The following TNC variants were observed in gnomAD, a reference collection of about 807,000 sequenced individuals.
TNC encodes tenascin.
Under a neutral mutation model 202.4 loss-of-function variants are expected in TNC, and 109 were observed. The observed-to-expected ratio is 0.54, with a 90% CI of 0.46 to 0.63. TNC has a LOEUF of 0.63. Ranked by LOEUF, TNC falls within the 30% of genes least tolerant of loss-of-function variation. TNC has a pLI of 0.00. For missense variants in TNC, 2,756 were observed against 2,833.3 expected (o/e 0.97, Z 0.62); for synonymous variants, 1,007 against 1,089.7 (o/e 0.92, Z 1.50).
At chr9:115,111,671 A>T (rs1029495850) in intron 1 of TNC, among the ~76,000 whole-genome samples, 1 of 151,944 alleles carries the variant, frequency 6.6e-6, no homozygotes, top group African/African-American at 2.4e-5. Flanking sequence ...TCGGGCTCCC[A>T]AAGTGCTGGG....
Position 115,062,907 on chromosome 9 carries a change from G to T in TNC, c.4033+10C>A. ...TATCATGTCTCCAGTCTGGGAGGAG[G>T]GTCATATACCTGTGACGACCTCTAC... On this transcript the variant is annotated intron_variant, in intron 13 of 27. Coordinates refer to ENST00000350763, the MANE Select transcript of TNC (RefSeq NM_002160.4). 6.2e-7 allele frequency: 1 copy of T among 1,605,092 alleles called. No individual in the cohort carries two copies. The highest frequency in any genetic ancestry group is 1.1e-5 in the South Asian group (1 of 90,858).
In TNC at chr9:115,090,743, C is replaced by T. The variant is rs944510; in HGVS notation, c.276G>A (p.Val92=). The T allele has an allele frequency of 0.44, 710,968 of 1,613,890 alleles. 158,736 individuals are homozygous for T. Among genetic ancestry groups the T allele is most frequent in the African/African-American group, 0.58 (43,172 of 74,966 alleles). The change falls in exon 2 of 28, where the codon GTG becomes GTA. Residue 92 remains valine (V), a synonymous_variant. Coordinates refer to ENST00000350763, the MANE Select transcript of TNC (RefSeq NM_002160.4). ...TGAAGACAATCTGGTTTTCCCCATC[C>T]ACTGTGTGCTCCTGAAAGCTTTCGC... ...EPSESFQEHT[V]DGENQIVFTH...
In TNC at chr9:115,058,650, G is replaced by A. The variant is rs140918203; in HGVS notation, c.4306+1080C>T. Among the ~76,000 whole-genome samples, 20 of 152,328 alleles carry A rather than the reference G, an allele frequency of 1.3e-4. 1 individual carries two copies. Among genetic ancestry groups the A allele is most frequent in the African/African-American group, 4.6e-4 (19 of 41,586 alleles). On this transcript the variant is annotated intron_variant, in intron 14 of 27. Transcript: ENST00000350763. ...TTATCTCAGTGAAAATTAGTGAAAT[G>A]ACTGAGGTTAAAATGCAGAGCTATG... is the stretch of plus-strand genomic sequence containing the variant.
rs1829958480 is a variant in TNC, at chr9:115,031,673, C to T, written c.5800G>A (p.Gly1934Ser). 1 of 1,609,422 alleles carries T rather than the reference C, an allele frequency of 6.2e-7. No individual in the cohort carries two copies. ...VDGTVKEVIV[G>S]PDTTSYSLAD... ...AGGCTGTAGGAGGTGGTATCTGGAC[C>T]CACAATGACTTCCTAAGAGCAGAAG... Residue 1934 changes from glycine (G) to serine (S), a missense_variant, in exon 23 of 28, where the codon GGT becomes AGT. Around this residue, in one of 2 missense-constraint regions of TNC, gnomAD observed 2,559 missense variants for 2,546.0 expected, o/e 1.01. Coordinates refer to ENST00000350763, the MANE Select transcript of TNC (RefSeq NM_002160.4).
rs543432618 is a variant in TNC, at chr9:115,034,141, G to A, written c.5787+1063C>T. ...GAGGTTTACTCTCTGGAAAGGTTGAGCCAGAGAGGAAGTCCGGATTCAAAT... is the reference window on the plus strand; with the variant it reads ...GAGGTTTACTCTCTGGAAAGGTTGAACCAGAGAGGAAGTCCGGATTCAAAT... On this transcript the variant is annotated intron_variant, in intron 22 of 27. Transcript: ENST00000350763. Among the ~76,000 whole-genome samples the A allele has an allele frequency of 1.5e-3, 227 of 152,322 alleles. 1 individual carries two copies. The highest frequency in any genetic ancestry group is 2.1e-4 in the Non-Finnish European group (14 of 68,038).
At chr9:115,038,493 C>A in intron 19 of TNC, 113 bp from the exon 20 acceptor site, 1 of 1,385,558 alleles carries the variant, frequency 7.2e-7, no homozygotes, top group Non-Finnish European at 9.7e-7. Context: ...GTGTCAGCTG[C>A]ATGGAATGGT....
Position 115,084,462 on chromosome 9 carries a change from G to C in TNC, c.1878C>G (p.Pro626=). ...SGEDCSEVSP[P]KDLVVTEVTE... ...TCACTTCTGTCACAACGAGGTCTTT[G>C]GGAGGAGACACTGGCAGGAATAAGA... The change falls in exon 4 of 28, where the codon CCC becomes CCG. Residue 626 remains proline (P), a synonymous_variant. Coordinates refer to ENST00000350763, the MANE Select transcript of TNC (RefSeq NM_002160.4). 6.2e-7 allele frequency: 1 copy of C among 1,614,004 alleles called. No homozygotes were observed. The highest frequency in any genetic ancestry group is 8.5e-7 in the Non-Finnish European group (1 of 1,179,918).
intron 1 of TNC, among the ~76,000 whole-genome samples, chr9:115,106,380 C>T (rs1836613939): frequency 6.6e-6 from 1 of 152,100 alleles, no homozygotes; most frequent in African/African-American, 2.4e-5. Flanking sequence ...AAGTAAGATT[C>T]ATTGTTCAAG....
intron 1 of TNC, among the ~76,000 whole-genome samples, chr9:115,095,852 G>A (rs1043198859): frequency 2.0e-5 from 3 of 151,272 alleles, no homozygotes; most frequent in African/African-American, 4.9e-5. Context: ...GTAAGTGTGT[G>A]TATATCTTTG....
At chr9:115,090,336 A>G (rs1179638366) in intron 2 of TNC, among the ~76,000 whole-genome samples, 2 of 152,220 alleles carry the variant, frequency 1.3e-5, no homozygotes, top group African/African-American at 4.8e-5. Flanking sequence ...ACTTATCAGA[A>G]GCCTGAAAAT....
rs767632564 is a variant in TNC at position 115,040,978 on chromosome 9, A to C, written c.5355T>G (p.Phe1785Leu). Residue 1785 changes from phenylalanine (F) to leucine (L), a missense_variant, in exon 19 of 28, where the codon TTT (phenylalanine) becomes TTG (leucine). By Grantham distance (22) the Phe-to-Leu change is conservative. Transcript: ENST00000350763. ...YLVSIIAMKG[F>L]EESEPVSGSF... is the part of the protein sequence containing the mutation. ...ACCCTGAGACAGGTTCACTTTCCTC[A>C]AAGCCCTTCATGGCGATGATGCTGA... 1.2e-6 allele frequency: 2 copies of C among 1,614,076 alleles called. No homozygotes were observed. The highest frequency in any genetic ancestry group is 1.7e-6 in the Non-Finnish European group (2 of 1,180,010).
At chr9:115,093,684 A>C (rs1212419317) in intron 1 of TNC, among the ~76,000 whole-genome samples, 1 of 150,484 alleles carries the variant, frequency 6.6e-6, no homozygotes, top group Non-Finnish European at 1.5e-5. Flanking sequence ...ACTTCTCCCC[A>C]ACACTTTTCT....
intron 22 of TNC, among the ~76,000 whole-genome samples, chr9:115,032,052 T>C (rs1419874629): frequency 6.6e-6 from 1 of 152,226 alleles, no homozygotes; most frequent in Admixed American, 6.5e-5. Context: ...GTTAATTTTA[T>C]GTGTTAAATT....
At chr9:115,077,211 C>T (rs961712754) in intron 7 of TNC, among the ~76,000 whole-genome samples, 12 of 152,304 alleles carry the variant, frequency 7.9e-5, no homozygotes, top group Admixed American at 2.6e-4. Flanking sequence ...CCCGCCACCA[C>T]GCCTGGCTAA....
intron 18 of TNC, 130 bp from the exon 19 acceptor site, chr9:115,041,214 C>T: frequency 1.9e-6 from 2 of 1,066,254 alleles, no homozygotes; most frequent in East Asian, 2.9e-5. Context: ...TTCTTGACTT[C>T]TCATTTGCTC....
rs998989817 is a variant in TNC, at chr9:115,048,383, G to A, written c.4729C>T (p.Leu1577Phe). 2 of 1,614,100 alleles carry A rather than the reference G, an allele frequency of 1.2e-6. No homozygotes were observed. The highest frequency in any genetic ancestry group is 2.7e-5 in the African/African-American group (2 of 75,036). Residue 1577 changes from leucine (L) to phenylalanine (F), a missense_variant, in exon 16 of 28, where the codon CTT becomes TTT. Around this residue, in one of 2 missense-constraint regions of TNC, gnomAD observed 2,559 missense variants for 2,546.0 expected, o/e 1.01. Coordinates refer to ENST00000350763, the MANE Select transcript of TNC (RefSeq NM_002160.4). ...GKLLDPQEFTLSGTQRKLELR... is the reference protein window; with the variant it reads ...GKLLDPQEFTFSGTQRKLELR... ...TCCAGCTTCCTCTGGGTTCCTGAAA[G>A]TGTGAATTCCTGGGGGTCCAGCAGC...
At chr9:115,053,568 T>C (rs1026773605) in intron 15 of TNC, among the ~76,000 whole-genome samples, 2 of 152,258 alleles carry the variant, frequency 1.3e-5, no homozygotes, top group Non-Finnish European at 2.9e-5. Flanking sequence ...TATTGATCAA[T>C]GTATACCCTA....
intron 22 of TNC, among the ~76,000 whole-genome samples, chr9:115,031,964 C>G (rs1829982397): frequency 6.6e-6 from 1 of 152,158 alleles, no homozygotes; most frequent in Non-Finnish European, 1.5e-5. Context: ...GATGAGAGCA[C>G]TGCTGTAGAC....
intron 1 of TNC, among the ~76,000 whole-genome samples, chr9:115,095,444 G>GTGTATATATATA (rs1233674652): frequency 1.8e-5 from 2 of 108,328 alleles, no homozygotes; most frequent in African/African-American, 8.4e-5. Flanking sequence ...GTCGTGGTAT[G>GTGTATATATATA]TGTATATATA....
Sources: allele counts gnomAD v4.1 joint callset (sites outside exome capture counted in the v4.1 genomes callset), GRCh38; gene constraint gnomAD v4.1.1; regional missense constraint gnomAD v4.1.1; transcripts MANE v1.5; gene names NCBI Gene and HGNC (gene_info 2026-07-23, HGNC 2026-07-21).